The following DAGLA variants were observed in gnomAD, a reference collection of about 807,000 sequenced individuals.
DAGLA encodes the protein diacylglycerol lipase alpha, also known as diacylglycerol lipase-alpha.
In DAGLA, 22 loss-of-function variants were observed where a neutral mutation model predicts 102.6. That is an observed-to-expected ratio of 0.21 (90% CI 0.15 to 0.31). DAGLA has a LOEUF of 0.31. Ranked by LOEUF, DAGLA falls within the 10% of genes least tolerant of loss-of-function variation. DAGLA has a pLI of 1.00. For missense variants in DAGLA, 927 were observed against 1,446.6 expected (o/e 0.64, Z 5.83); for synonymous variants, 578 against 628.9 (o/e 0.92, Z 1.21).
At chr11:61,706,989 C>T (rs941219306) in intron 1 of DAGLA, among the ~76,000 whole-genome samples, 2 of 152,256 alleles carry the variant, frequency 1.3e-5, no homozygotes, top group African/African-American at 4.8e-5. Context: ...GGAGTTACAG[C>T]AGCTTCACTG....
At chr11:61,739,177 A>T (rs995825294) in intron 16 of DAGLA, among the ~76,000 whole-genome samples, 5 of 152,116 alleles carry the variant, frequency 3.3e-5, no homozygotes, top group African/African-American at 9.7e-5. Flanking sequence ...CATCTACTAG[A>T]TGAGGGGTTG....
chr11:61,720,343 C>A, intron 2 of DAGLA, 93 bp downstream of exon 2: 1 of 1,289,682 alleles, frequency 7.8e-7, no homozygotes. Context: ...TGCTTGGGCC[C>A]AAGTCCCAAC....
chr11:61,707,999 T>G (rs188003415), intron 1 of DAGLA, among the ~76,000 whole-genome samples: 351 of 152,166 alleles, frequency 2.3e-3, no homozygotes, highest in African/African-American at 6.3e-3. Context: ...ATGTATTTAT[T>G]TATTTATTTA....
At chr11:61,722,492 A>C (rs1417656943) in intron 3 of DAGLA, among the ~76,000 whole-genome samples, 1 of 152,224 alleles carries the variant, frequency 6.6e-6, no homozygotes, top group African/African-American at 2.4e-5. Flanking sequence ...GGACTGAAGC[A>C]GGAGAATCTC....
intron 6 of DAGLA, 75 bp from the exon 7 acceptor site, chr11:61,728,077 TG>T: frequency 6.4e-7 from 1 of 1,556,152 alleles, no homozygotes. Flanking sequence ...CTCCCAGCCC[TG>T]GGGGATTTAC....
At chr11:61,715,394 G>T (rs761237763) in intron 1 of DAGLA, among the ~76,000 whole-genome samples, 1 of 152,166 alleles carries the variant, frequency 6.6e-6, no homozygotes, top group Non-Finnish European at 1.5e-5. Flanking sequence ...GGTGGCACTC[G>T]TGGGGGTTCC....
intron 3 of DAGLA, among the ~76,000 whole-genome samples, chr11:61,721,205 C>A (rs757398777): frequency 6.6e-6 from 1 of 152,034 alleles, no homozygotes; most frequent in East Asian, 1.9e-4. Flanking sequence ...ACCAGCCTGG[C>A]GAACATGGGG....
intron 1 of DAGLA, among the ~76,000 whole-genome samples, chr11:61,685,616 C>T (rs1019421834): frequency 2.0e-5 from 3 of 151,322 alleles, no homozygotes; most frequent in African/African-American, 4.9e-5. Context: ...TAGATTCTGA[C>T]CTCAAGTTGC....
chr11:61,715,446 G>A (rs2065228649), intron 1 of DAGLA, among the ~76,000 whole-genome samples: 1 of 152,220 alleles, frequency 6.6e-6, no homozygotes, highest in South Asian at 2.1e-4. Context: ...CCAGAGGGCT[G>A]AGCCAGTACC....
At chr11:61,685,762 C>T (rs2064981656) in intron 1 of DAGLA, among the ~76,000 whole-genome samples, 2 of 135,760 alleles carry the variant, frequency 1.5e-5, no homozygotes, top group South Asian at 2.7e-4. Flanking sequence ...CCATGGGTAC[C>T]GGTGGGAGTG....
chr11:61,710,991 CT>C (rs1353236123), intron 1 of DAGLA, among the ~76,000 whole-genome samples: 2 of 152,186 alleles, frequency 1.3e-5, no homozygotes, highest in African/African-American at 2.4e-5. Flanking sequence ...CAAATTCGGG[CT>C]GCCCTGCTCT....
intron 8 of DAGLA, among the ~76,000 whole-genome samples, chr11:61,730,480 G>A (rs1027416068): frequency 6.6e-6 from 1 of 152,152 alleles, no homozygotes; most frequent in Non-Finnish European, 1.5e-5. Context: ...CCTGATCAAG[G>A]TGCCACCTAT....
intron 1 of DAGLA, among the ~76,000 whole-genome samples, chr11:61,708,875 G>T (rs1050552133): frequency 6.6e-6 from 1 of 152,212 alleles, no homozygotes; most frequent in Non-Finnish European, 1.5e-5. Flanking sequence ...CCACCCGGCA[G>T]CAGGGGCCTT....
At chr11:61,690,115 C>A (rs1411108224) in intron 1 of DAGLA, among the ~76,000 whole-genome samples, 1 of 152,210 alleles carries the variant, frequency 6.6e-6, no homozygotes, top group African/African-American at 2.4e-5. Context: ...GAGTCAGCCC[C>A]AGTGCACCCC....
At position 61,686,798 on chromosome 11, in the gene DAGLA, T is replaced by G. The variant is rs908580091; in HGVS notation, c.-45+6294T>G. On this transcript the variant is annotated intron_variant, in intron 1 of 19. Coordinates refer to ENST00000257215, the MANE Select transcript of DAGLA (RefSeq NM_006133.3). The surrounding 1 kb of genome is among the most constrained non-coding windows in gnomAD (Gnocchi z 5.2). Reference sequence around the variant, plus strand: ...TGATGATTGATGTTCCTGGACTTCCTTGAGGTTAATCTATTATTGATGTCC... The same window carrying G: ...TGATGATTGATGTTCCTGGACTTCCGTGAGGTTAATCTATTATTGATGTCC... Among the ~76,000 whole-genome samples the G allele has an allele frequency of 6.6e-6, 1 of 152,206 alleles. No individual in the cohort carries two copies. The highest frequency in any genetic ancestry group is 1.5e-5 in the Non-Finnish European group (1 of 68,030).
intron 1 of DAGLA, among the ~76,000 whole-genome samples, chr11:61,685,037 C>T (rs1184733195): frequency 6.6e-6 from 1 of 152,138 alleles, no homozygotes; most frequent in Non-Finnish European, 1.5e-5. Context: ...GCGTCTCACA[C>T]GCCTGCTTCC....
intron 6 of DAGLA, among the ~76,000 whole-genome samples, chr11:61,727,884 A>C (rs1199280021): frequency 6.6e-6 from 1 of 152,182 alleles, no homozygotes; most frequent in Admixed American, 6.5e-5. Context: ...TGCTCTTGGT[A>C]GACAGTGGGC....
chr11:61,685,097 C>G (rs1297304368), intron 1 of DAGLA, among the ~76,000 whole-genome samples: 1 of 152,048 alleles, frequency 6.6e-6, no homozygotes, highest in East Asian at 1.9e-4. Flanking sequence ...GTCCCCTCCC[C>G]CCCATGACAG....
chr11:61,738,580 C>T (rs911081673), intron 16 of DAGLA, among the ~76,000 whole-genome samples: 2 of 152,208 alleles, frequency 1.3e-5, no homozygotes, highest in Admixed American at 6.5e-5. Context: ...TCTGCCGAAG[C>T]CTCTGAGATT....
Sources: allele counts gnomAD v4.1 joint callset (sites outside exome capture counted in the v4.1 genomes callset), GRCh38; gene constraint gnomAD v4.1.1; non-coding constraint Gnocchi (gnomAD v3.1); transcripts MANE v1.5; gene names NCBI Gene and HGNC (gene_info 2026-07-23, HGNC 2026-07-21).